The following P4HA2 variants were observed in gnomAD, a reference collection of about 807,000 sequenced individuals.
P4HA2 encodes the protein prolyl 4-hydroxylase subunit alpha-2.
P4HA2 carries 46 observed loss-of-function variants against 76.9 expected under a neutral mutation model. The ratio of observed to expected loss-of-function variants is 0.60; its 90% CI spans 0.47 to 0.76. The LOEUF is 0.76. P4HA2 is among the 30% of genes least tolerant of loss of function. The probability of loss-of-function intolerance (pLI) is 0.00; values close to 1 mark genes in which losing one functional copy is unlikely to be tolerated. For synonymous variants in P4HA2, 243 were observed against 254.0 expected (o/e 0.96, Z 0.41); for missense variants, 583 against 669.4 (o/e 0.87, Z 1.42).
chr5:132,200,733 C>A (rs1190357411), intron 10 of P4HA2: 1 of 152,194 alleles, frequency 6.6e-6, no homozygotes, highest in Admixed American at 6.5e-5. Context: ...CAGGTACACT[C>A]AGGAAAATTC....
rs957487101 is a variant in P4HA2 at position 132,192,946 on chromosome 5, A to G, written c.*64T>C. On this transcript the variant is annotated 3_prime_UTR_variant, in exon 15 of 15. Transcript: ENST00000360568. ...CTGATAGGAACATACAAAGGAACAT[A>G]CAAAGGTGTCTGTCACGTTGACATG... 2.9e-6 allele frequency: 3 copies of G among 1,028,600 alleles called. No homozygotes were observed. Among genetic ancestry groups the G allele is most frequent in the South Asian group, 1.3e-5 (1 of 79,104 alleles). The allele number at this position is 1,028,600 out of a possible 1,614,324, so 63.7% of individuals were successfully genotyped here. A position where few individuals can be genotyped will look rare whatever the true frequency, so the allele number is the denominator to read the frequency against.
intron 1 of P4HA2, among the ~76,000 whole-genome samples, chr5:132,222,738 C>G (rs973295335): frequency 6.6e-6 from 1 of 152,244 alleles, no homozygotes; most frequent in Non-Finnish European, 1.5e-5. Flanking sequence ...AGATGTTTAT[C>G]TGTATCTATC....
intron 1 of P4HA2, chr5:132,222,165 T>C (rs1754729833): frequency 6.6e-6 from 1 of 152,304 alleles, no homozygotes; most frequent in African/African-American, 2.4e-5. Context: ...AAACTGGTCT[T>C]GCTTGGCACT....
At chr5:132,196,629 GGC>G (rs2126533875) in intron 12 of P4HA2, among the ~76,000 whole-genome samples, 1 of 152,282 alleles carries the variant, frequency 6.6e-6, no homozygotes, top group East Asian at 1.9e-4. Flanking sequence ...GGGAGGCCAA[GGC>G]GGGTGGATCA....
At chr5:132,220,605 C>T (rs911512539) in intron 1 of P4HA2, among the ~76,000 whole-genome samples, 2 of 152,234 alleles carry the variant, frequency 1.3e-5, no homozygotes, top group African/African-American at 4.8e-5. Flanking sequence ...TCATTCTGCT[C>T]CTATCATCTA....
At chr5:132,209,411 T>C in intron 6 of P4HA2, 80 bp from the exon 7 acceptor site, 1 of 1,167,836 alleles carries the variant, frequency 8.6e-7, no homozygotes, top group Non-Finnish European at 1.3e-6. Flanking sequence ...TCTGTAAGGG[T>C]TTCTCTCCCA....
At chr5:132,215,725 A>T (rs1753754465) in intron 4 of P4HA2, among the ~76,000 whole-genome samples, 1 of 152,144 alleles carries the variant, frequency 6.6e-6, no homozygotes, top group Admixed American at 6.5e-5. Context: ...AGTCCCAGCT[A>T]CTCAGGAGGC....
intron 5 of P4HA2, among the ~76,000 whole-genome samples, 178 bp downstream of exon 5, chr5:132,213,738 G>C (rs930250799): frequency 6.6e-6 from 1 of 152,176 alleles, no homozygotes; most frequent in African/African-American, 2.4e-5. Flanking sequence ...GGAGGTGGCA[G>C]GGCAGGGGCT....
intron 1 of P4HA2, among the ~76,000 whole-genome samples, chr5:132,218,958 T>C (rs1373833739): frequency 1.3e-5 from 2 of 152,184 alleles, no homozygotes; most frequent in Admixed American, 6.5e-5. Flanking sequence ...CGGGTTCCAA[T>C]GGTCTGTCAG....
chr5:132,206,674 C>T (rs566882934), intron 8 of P4HA2, among the ~76,000 whole-genome samples: 1 of 152,254 alleles, frequency 6.6e-6, no homozygotes, highest in South Asian at 2.1e-4. Flanking sequence ...ACAAAACCAA[C>T]AGCCAACTGC....
In P4HA2 at chr5:132,191,511, CAAAAAAAAAA is replaced by C. The variant is rs76741539; in HGVS notation, c.*1489_*1498del. Among the ~76,000 whole-genome samples the C allele has an allele frequency of 2.0e-5, 1 of 49,124 alleles. No individual in the cohort carries two copies. Among genetic ancestry groups the C allele is most frequent in the Non-Finnish European group, 4.6e-5 (1 of 21,654 alleles). 32.2% of individuals were successfully genotyped at this position (49,124 alleles called of 152,430 possible). ...TGGGCGACAGAGCGAGACTCCGTCT[CAAAAAAAAAA>C]AAAAAAAAAAAGATTTCAACATATG... On this transcript the variant is annotated 3_prime_UTR_variant, in exon 15 of 15. Transcript: ENST00000360568.
intron 10 of P4HA2, among the ~76,000 whole-genome samples, chr5:132,199,141 G>A (rs1446341645): frequency 1.3e-5 from 2 of 152,136 alleles, no homozygotes; most frequent in Non-Finnish European, 2.9e-5. Flanking sequence ...GTAAGGCTGC[G>A]GCACAAATGT....
intron 9 of P4HA2, 35 bp from the exon 10 acceptor site, chr5:132,203,882 G>T: frequency 6.7e-7 from 1 of 1,496,934 alleles, no homozygotes; most frequent in Non-Finnish European, 9.3e-7. Context: ...AAAAGAAGAC[G>T]GAAGGGCAGG....
chr5:132,203,872 A>T, intron 9 of P4HA2, 25 bp from the exon 10 acceptor site: 1 of 1,560,202 alleles, frequency 6.4e-7, no homozygotes, highest in South Asian at 1.1e-5. Context: ...AAGGGCAGAG[A>T]AAAGAAGACG....
At chr5:132,225,814 T>G (rs887064519) in intron 1 of P4HA2, among the ~76,000 whole-genome samples, 2 of 152,196 alleles carry the variant, frequency 1.3e-5, no homozygotes, top group African/African-American at 4.8e-5. Context: ...GCCTATCACA[T>G]GCCACAGACA....
chr5:132,202,212 T>A (rs186021860), intron 10 of P4HA2: 1 of 152,028 alleles, frequency 6.6e-6, no homozygotes, highest in East Asian at 1.9e-4. Flanking sequence ...TGAGCTGAAC[T>A]GAAAAAAAAA....
At chr5:132,205,147 T>C (rs1308415098) in intron 8 of P4HA2, among the ~76,000 whole-genome samples, 1 of 152,224 alleles carries the variant, frequency 6.6e-6, no homozygotes, top group Non-Finnish European at 1.5e-5. Context: ...ACCAGTCAGG[T>C]AACTGCAGCA....
chr5:132,213,861 T>G, intron 5 of P4HA2, 55 bp downstream of exon 5: 4 of 1,584,280 alleles, frequency 2.5e-6, no homozygotes, highest in Non-Finnish European at 3.5e-6. Flanking sequence ...CTCCAACCTG[T>G]CCCGCCACTA....
In P4HA2 at chr5:132,213,205, A is replaced by G. The variant is rs78539905; in HGVS notation, c.469+711T>C. Among the ~76,000 whole-genome samples the G allele has an allele frequency of 1.5e-3, 225 of 152,310 alleles. 4 individuals are homozygous for G. The East Asian group carries it at 0.042, about 28-fold the overall frequency. ...AAATGCTGCTGGGAAGTTAAAGAAC[A>G]TTATGTGTGAACCTTGTTCGCTGGG... On this transcript the variant is annotated intron_variant, in intron 5 of 14. Transcript: ENST00000360568.
Sources: gnomAD v4.1 joint callset for allele counts (sites outside exome capture counted in the v4.1 genomes callset) on GRCh38, gnomAD v4.1.1 for gene constraint, MANE v1.5 for transcripts, NCBI Gene and HGNC (gene_info 2026-07-23, HGNC 2026-07-21) for gene names.